The following WWOX variants were observed in gnomAD, a reference collection of about 807,000 sequenced individuals.
WWOX encodes WW domain containing oxidoreductase, also known as WW domain-containing oxidoreductase.
In WWOX, 69 loss-of-function variants were observed where a neutral mutation model predicts 46.2. That is an observed-to-expected ratio of 1.49 (90% CI 1.23 to 1.82). The LOEUF (loss-of-function observed/expected upper bound fraction) is 1.82, where lower values mean the gene tolerates loss of function less well. Among genes scored for constraint, WWOX ranks in the 40% most tolerant of loss-of-function variants. WWOX has a pLI of 0.00. For missense variants in WWOX, 919 were observed against 542.6 expected (o/e 1.69, Z -6.89); for synonymous variants, 359 against 202.6 (o/e 1.77, Z -6.56).
At chr16:78,728,990 A>C (rs2142376975) in intron 8 of WWOX, among the ~76,000 whole-genome samples, 1 of 152,204 alleles carries the variant, frequency 6.6e-6, no homozygotes, top group East Asian at 1.9e-4. Context: ...GCTTTAGTAA[A>C]AGTGTAGTGG....
intron 8 of WWOX, among the ~76,000 whole-genome samples, chr16:78,960,892 C>G (rs2046259009): frequency 6.6e-6 from 1 of 152,136 alleles, no homozygotes; most frequent in African/African-American, 2.4e-5. Flanking sequence ...GACTTGATGT[C>G]AAAAGTAAAG....
intron 8 of WWOX, among the ~76,000 whole-genome samples, chr16:78,785,580 G>C (rs2050435918): frequency 2.0e-5 from 3 of 152,262 alleles, no homozygotes; most frequent in Admixed American, 6.5e-5. Flanking sequence ...AGTATACACA[G>C]TACTGTTTCT....
chr16:78,542,775 G>T (rs1219031523), intron 8 of WWOX, among the ~76,000 whole-genome samples: 1 of 152,142 alleles, frequency 6.6e-6, no homozygotes, highest in African/African-American at 2.4e-5. Context: ...AGAAGTGAAG[G>T]TAATAAGCTC....
intron 8 of WWOX, among the ~76,000 whole-genome samples, chr16:78,660,822 T>C (rs2047192549): frequency 6.6e-6 from 1 of 152,204 alleles, no homozygotes; most frequent in African/African-American, 2.4e-5. Flanking sequence ...AAAAAATGCA[T>C]GCAACTGAGA....
intron 8 of WWOX, among the ~76,000 whole-genome samples, chr16:79,121,038 G>C (rs1301173374): frequency 6.6e-6 from 1 of 152,148 alleles, no homozygotes; most frequent in Non-Finnish European, 1.5e-5. Flanking sequence ...CAAAGTGCTG[G>C]GATTACAGGC....
intron 8 of WWOX, among the ~76,000 whole-genome samples, chr16:78,819,353 A>C (rs1297700535): frequency 6.6e-6 from 1 of 152,066 alleles, no homozygotes; most frequent in Non-Finnish European, 1.5e-5. Flanking sequence ...GGGTGGGTGC[A>C]CCTTTCCATG....
At chr16:79,025,599 C>A (rs996238903) in intron 8 of WWOX, among the ~76,000 whole-genome samples, 1 of 152,078 alleles carries the variant, frequency 6.6e-6, no homozygotes, top group Non-Finnish European at 1.5e-5. Context: ...TCAGAGCCCC[C>A]AGAAGGAACT....
intron 8 of WWOX, among the ~76,000 whole-genome samples, chr16:79,078,512 C>T (rs922859640): frequency 2.0e-5 from 3 of 152,182 alleles, no homozygotes; most frequent in Admixed American, 2.0e-4. Context: ...GTCCTCTGCA[C>T]ACTGTCCAAA....
At chr16:78,336,929 C>T (rs937234171) in intron 5 of WWOX, among the ~76,000 whole-genome samples, 1 of 152,090 alleles carries the variant, frequency 6.6e-6, no homozygotes, top group African/African-American at 2.4e-5. Flanking sequence ...CAGGCGCCCG[C>T]CACCATGCCC....
chr16:78,696,251 C>T (rs1244531830), intron 8 of WWOX, among the ~76,000 whole-genome samples: 1 of 152,160 alleles, frequency 6.6e-6, no homozygotes, highest in African/African-American at 2.4e-5. Flanking sequence ...TACCTGCCTT[C>T]CTGTCTTTGC....
chr16:78,438,717 T>C (rs2083383904), intron 8 of WWOX, among the ~76,000 whole-genome samples: 1 of 152,190 alleles, frequency 6.6e-6, no homozygotes, highest in Non-Finnish European at 1.5e-5. Context: ...AAAAATGGCT[T>C]ACGTTTATGG....
chr16:78,883,400 A>G (rs1405258415), intron 8 of WWOX, among the ~76,000 whole-genome samples: 3 of 152,270 alleles, frequency 2.0e-5, no homozygotes, highest in Middle Eastern at 3.4e-3. Context: ...ACAGTCTGTC[A>G]TTTACTTAAT....
intron 4 of WWOX, among the ~76,000 whole-genome samples, chr16:78,132,167 G>A (rs1221013773): frequency 6.6e-6 from 1 of 151,570 alleles, no homozygotes; most frequent in East Asian, 2.0e-4. Flanking sequence ...TGGGACTACA[G>A]GTGCCCGCCA....
chr16:79,196,797 G>A (rs1449701570), intron 8 of WWOX, among the ~76,000 whole-genome samples: 1 of 152,024 alleles, frequency 6.6e-6, no homozygotes, highest in Non-Finnish European at 1.5e-5. Context: ...TATTTTCAAG[G>A]ATACAGAGCT....
At chr16:78,786,533 T>C (rs1035394570) in intron 8 of WWOX, among the ~76,000 whole-genome samples, 5 of 152,214 alleles carry the variant, frequency 3.3e-5, no homozygotes, top group African/African-American at 1.2e-4. Flanking sequence ...ATAATGTTTT[T>C]CTTTTAATTG....
At chr16:78,798,707 T>C (rs978537813) in intron 8 of WWOX, among the ~76,000 whole-genome samples, 2 of 152,016 alleles carry the variant, frequency 1.3e-5, no homozygotes, top group African/African-American at 2.4e-5. Context: ...TAAAATAAGC[T>C]ATGGGATGTA....
intron 8 of WWOX, among the ~76,000 whole-genome samples, chr16:78,918,966 C>T (rs371533947): frequency 1.1e-4 from 16 of 152,106 alleles, no homozygotes; most frequent in African/African-American, 3.9e-4. Flanking sequence ...CTGATTGGAC[C>T]CAGGGCAGAA....
intron 5 of WWOX, among the ~76,000 whole-genome samples, chr16:78,323,114 G>A (rs1335735677): frequency 6.6e-6 from 1 of 150,890 alleles, no homozygotes; most frequent in Non-Finnish European, 1.5e-5. Flanking sequence ...ATTTTTTTTT[G>A]TTTGTTTGTT....
chr16:78,884,771 C>T lies in WWOX; in HGVS notation c.1057-326837C>T, dbSNP rs965822595. The stretch of plus-strand genomic sequence containing the variant: ...CAGTTTATGAAAATTCATTTAATGA[C>T]ACATGTATGTTTTGTGAATTTTTTT... On this transcript the variant is annotated intron_variant, in intron 8 of 8. Transcript: ENST00000566780. Among the ~76,000 whole-genome samples the T allele has an allele frequency of 2.6e-5, 4 of 152,262 alleles. No homozygotes were observed. The East Asian group carries it at 7.7e-4, about 29-fold the overall frequency.
Sources: allele counts gnomAD v4.1 joint callset (sites outside exome capture counted in the v4.1 genomes callset), GRCh38; gene constraint gnomAD v4.1.1; transcripts MANE v1.5; gene names NCBI Gene and HGNC (gene_info 2026-07-23, HGNC 2026-07-21).